The following MRPS5 variants were observed in gnomAD, a reference collection of about 807,000 sequenced individuals.
MRPS5 encodes the protein mitochondrial ribosomal protein S5.
A neutral mutation model predicts 51.9 loss-of-function variants in MRPS5; 27 were observed. The ratio of observed to expected loss-of-function variants is 0.52; its 90% CI spans 0.38 to 0.72. The LOEUF is 0.72. Among genes scored for constraint, MRPS5 ranks in the 30% least tolerant of loss-of-function variants. The pLI is 0.00. For missense variants in MRPS5, 570 were observed against 545.7 expected, an observed-to-expected ratio of 1.04 and a Z score of -0.44; for synonymous variants, 196 against 193.2, an observed-to-expected ratio of 1.01 and a Z score of -0.12.
Position 95,087,155 on chromosome 2 carries a change from G to T in MRPS5, c.*202C>A. The stretch of plus-strand genomic sequence containing the variant: ...AATATTTAAAGTAGTCTTGAACTGA[G>T]ATATGTATGTAAAGGTTCTATCACA... On this transcript the variant is annotated 3_prime_UTR_variant, in exon 12 of 12. Coordinates refer to ENST00000272418, the MANE Select transcript of MRPS5 (RefSeq NM_031902.5). 7.9e-6 allele frequency: 4 copies of T among 507,554 alleles called. No homozygotes were observed. In the South Asian group the frequency reaches 1.4e-4, roughly 18 times the overall value. 31.4% of individuals were successfully genotyped at this position (507,554 alleles called of 1,614,324 possible).
intron 1 of MRPS5, among the ~76,000 whole-genome samples, chr2:95,119,090 A>C (rs1171489824): frequency 1.3e-5 from 2 of 152,204 alleles, no homozygotes; most frequent in Non-Finnish European, 2.9e-5. Flanking sequence ...TTTGCAAATC[A>C]TATATATGAT....
chr2:95,089,742 A>G (rs1675402804), intron 11 of MRPS5, among the ~76,000 whole-genome samples: 1 of 152,242 alleles, frequency 6.6e-6, no homozygotes, highest in Admixed American at 6.5e-5. Flanking sequence ...CTAAATTAGG[A>G]AATGAACTTT....
At chr2:95,100,975 T>C (rs1675783003) in intron 8 of MRPS5, 81 bp from the exon 9 acceptor site, 1 of 1,234,646 alleles carries the variant, frequency 8.1e-7, no homozygotes, top group Admixed American at 2.5e-5. Context: ...TTAATAAAAA[T>C]GTTTCATTAT....
At position 95,109,925 on chromosome 2, in the gene MRPS5, T is replaced by C; in HGVS notation, c.394A>G (p.Ile132Val). The C allele has an allele frequency of 6.2e-7, 1 of 1,609,922 alleles. No individual in the cohort carries two copies. Among genetic ancestry groups the C allele is most frequent in the Non-Finnish European group, 8.5e-7 (1 of 1,179,234 alleles). The change falls in exon 4 of 12, where the codon ATT (isoleucine) becomes GTT (valine). Residue 132 changes from isoleucine (I) to valine (V), a missense_variant. By Grantham distance (29) the Ile-to-Val change is conservative. Coordinates refer to ENST00000272418, the MANE Select transcript of MRPS5 (RefSeq NM_031902.5). ...TTATAAATAAGTTTACCTTCACCAA[T>C]GATCTGACCCCTGTTCAGATCCTTT... ...KRKDLNRGQI[I>V]GEGRYGFLWP...
chr2:95,107,535 AGTTCTAAGCAT>A (rs1220985519), intron 5 of MRPS5, among the ~76,000 whole-genome samples: 1 of 152,148 alleles, frequency 6.6e-6, no homozygotes, highest in Non-Finnish European at 1.5e-5. Context: ...CATTTTGATC[AGTTCTAAGCAT>A]GTTCTTTGGA....
At chr2:95,107,486 T>G (rs1006956750) in intron 5 of MRPS5, among the ~76,000 whole-genome samples, 7 of 152,206 alleles carry the variant, frequency 4.6e-5, no homozygotes, top group African/African-American at 1.4e-4. Flanking sequence ...TCATGGATTT[T>G]GTTCTCTCCC....
intron 7 of MRPS5, chr2:95,104,400 G>T: frequency 1.9e-6 from 1 of 529,900 alleles, no homozygotes; most frequent in Non-Finnish European, 3.4e-6. Flanking sequence ...AATGTCTTCA[G>T]CCTTTTATAA....
intron 7 of MRPS5, chr2:95,104,331 T>C (rs576166130): frequency 1.8e-5 from 7 of 379,604 alleles, no homozygotes; most frequent in Non-Finnish European, 3.0e-5. Flanking sequence ...TTTATAACCA[T>C]GGCCCTATTG....
At position 95,103,579 on chromosome 2, in the gene MRPS5, GT is replaced by G. The variant is rs545395193; in HGVS notation, c.763+1060del. On this transcript the variant is annotated intron_variant, in intron 7 of 11. Transcript: ENST00000272418. ...TGGGGCAGCAATTTTACTGCAAGAA[GT>G]TTCCCCTATTGATATACTTGCAGAA... Among the ~76,000 whole-genome samples, 219 of 152,226 alleles carry G rather than the reference GT, an allele frequency of 1.4e-3. 1 individual carries two copies. The highest frequency in any genetic ancestry group is 5.2e-3 in the African/African-American group (214 of 41,530).
chr2:95,121,421 G>A (rs1420987555), intron 1 of MRPS5, among the ~76,000 whole-genome samples: 1 of 152,156 alleles, frequency 6.6e-6, no homozygotes, highest in African/African-American at 2.4e-5. Flanking sequence ...GGGGTCGCAC[G>A]CGCCCCAAAG....
chr2:95,111,960 C>T (rs1346917774), intron 3 of MRPS5, among the ~76,000 whole-genome samples: 1 of 152,124 alleles, frequency 6.6e-6, no homozygotes, highest in Non-Finnish European at 1.5e-5. Context: ...ACCTAAAAGG[C>T]TAGTTAGAAT....
chr2:95,099,802 T>C (rs974065100), intron 10 of MRPS5, among the ~76,000 whole-genome samples: 2 of 152,252 alleles, frequency 1.3e-5, no homozygotes, highest in African/African-American at 4.8e-5. Context: ...CTAGCAACGT[T>C]GTATTAGAAG....
At chr2:95,103,744 C>T (rs966219738) in intron 7 of MRPS5, 58 of 152,148 alleles carry the variant, frequency 3.8e-4, no homozygotes, top group African/African-American at 1.4e-3. Context: ...ACCAGTACAA[C>T]GAATCAAGGA....
In MRPS5 at chr2:95,085,700, C is replaced by A. The variant is rs2104385936; in HGVS notation, c.*1657G>T. 6.6e-6 allele frequency among the ~76,000 whole-genome samples: 1 copy of A among 152,258 alleles called. No homozygotes were observed. The highest frequency in any genetic ancestry group is 1.9e-4 in the East Asian group (1 of 5,178). The stretch of plus-strand genomic sequence containing the variant: ...AACCTGGATCTCCATCCTCACCAGG[C>A]AGTAACGAGGCAGTGCCCCATCCCA... On this transcript the variant is annotated 3_prime_UTR_variant, in exon 12 of 12. Transcript: ENST00000272418.
In MRPS5 at chr2:95,117,961, A is replaced by C. The variant is rs1174405425; in HGVS notation, c.59-16T>G. ...AATAAATGACCTGCAAATTGGAAAA[A>C]AAAAAATTTAAGATACATTTCTACA... On this transcript the variant is annotated splice_polypyrimidine_tract_variant and intron_variant, in intron 1 of 11. Coordinates refer to ENST00000272418, the MANE Select transcript of MRPS5 (RefSeq NM_031902.5). 15 of 1,580,736 alleles carry C rather than the reference A, an allele frequency of 9.5e-6. No individual in the cohort carries two copies. The highest frequency in any genetic ancestry group is 1.0e-5 in the Non-Finnish European group (12 of 1,165,212).
chr2:95,121,658 G>A (rs1676456203), intron 1 of MRPS5, 76 bp downstream of exon 1: 2 of 1,462,298 alleles, frequency 1.4e-6, no homozygotes, highest in African/African-American at 1.5e-5. Context: ...CCTCCGCCCC[G>A]ACTTCTGCAG....
chr2:95,104,722 G>A lies in MRPS5; in HGVS notation c.681C>T (p.Asn227=), dbSNP rs768668616. The A allele has an allele frequency of 1.2e-5, 19 of 1,613,634 alleles. No individual in the cohort carries two copies. In the East Asian group the frequency reaches 1.3e-4, roughly 11 times the overall value. The change falls in exon 7 of 12, where the codon AAC becomes AAT. Residue 227 remains asparagine (N), a synonymous_variant. Coordinates refer to ENST00000272418, the MANE Select transcript of MRPS5 (RefSeq NM_031902.5). The part of the protein sequence containing the change: ...DFDTRILEVR[N]VFTMTAKEGR... ...CCTCTTTCGCAGTCATAGTGAAAACGTTTCTTACCTAAAAGGCAAAATGTC... is the reference window on the plus strand; with the variant it reads ...CCTCTTTCGCAGTCATAGTGAAAACATTTCTTACCTAAAAGGCAAAATGTC...
intron 3 of MRPS5, among the ~76,000 whole-genome samples, chr2:95,113,454 C>G (rs555925177): frequency 6.6e-6 from 1 of 151,930 alleles, no homozygotes; most frequent in East Asian, 1.9e-4. Flanking sequence ...CCAGCCTGGG[C>G]GACAAGAGCA....
chr2:95,119,510 G>A (rs902316273), intron 1 of MRPS5, among the ~76,000 whole-genome samples: 1 of 151,956 alleles, frequency 6.6e-6, no homozygotes, highest in Non-Finnish European at 1.5e-5. Flanking sequence ...TACACAGGAG[G>A]CTGAAGTGGG....
Sources: gnomAD v4.1 joint callset for allele counts (sites outside exome capture counted in the v4.1 genomes callset) on GRCh38, gnomAD v4.1.1 for gene constraint, MANE v1.5 for transcripts, NCBI Gene and HGNC (gene_info 2026-07-23, HGNC 2026-07-21) for gene names.